Variants in EGFLAM observed in about 807,000 individuals in gnomAD.
EGFLAM encodes EGF like, fibronectin type III and laminin G domains, also known as pikachurin.
In EGFLAM, 79 loss-of-function variants were observed where a neutral mutation model predicts 113.1. The observed-to-expected ratio is 0.70, with a 90% CI of 0.58 to 0.84. EGFLAM has a LOEUF of 0.84. Ranked by LOEUF, EGFLAM falls within the 40% of genes least tolerant of loss-of-function variation. The probability of loss-of-function intolerance (pLI) is 0.00; values close to 1 mark genes in which losing one functional copy is unlikely to be tolerated. For missense variants in EGFLAM, 1,265 were observed against 1,291.6 expected, an observed-to-expected ratio of 0.98 and a Z score of 0.32; for synonymous variants, 504 against 487.6, an observed-to-expected ratio of 1.03 and a Z score of -0.44.
At chr5:38,323,626 C>T (rs1311859851) in intron 1 of EGFLAM, among the ~76,000 whole-genome samples, 2 of 152,088 alleles carry the variant, frequency 1.3e-5, no homozygotes, top group African/African-American at 2.4e-5. Context: ...TTGCTTGTCT[C>T]ACACATAAGT....
chr5:38,282,536 T>A (rs1454901049), intron 1 of EGFLAM: 1 of 152,186 alleles, frequency 6.6e-6, no homozygotes, highest in East Asian at 1.9e-4. Flanking sequence ...CTTCAAGGCT[T>A]ATAGGCAGAA....
intron 12 of EGFLAM, among the ~76,000 whole-genome samples, chr5:38,419,602 T>G (rs937363372): frequency 7.9e-5 from 12 of 152,200 alleles, no homozygotes. Flanking sequence ...GAACAGTTTT[T>G]TGTTTTGTTT....
intron 6 of EGFLAM, among the ~76,000 whole-genome samples, chr5:38,392,084 T>C (rs967652835): frequency 6.6e-6 from 1 of 152,192 alleles, no homozygotes; most frequent in Non-Finnish European, 1.5e-5. Flanking sequence ...AATAGTTATC[T>C]TTTCTGCTCC....
At position 38,383,381 on chromosome 5, in the gene EGFLAM, T is replaced by C. The variant is rs1740567376; in HGVS notation, c.712+12919T>C. ...CAACAATGAAAATTAGAGGAGTGGG[T>C]GATGAGAAAGGCTACAAACAAATTT... On this transcript the variant is annotated intron_variant, in intron 6 of 21. Transcript: ENST00000322350. Among the ~76,000 whole-genome samples the C allele has an allele frequency of 2.0e-5, 3 of 149,716 alleles. No individual in the cohort carries two copies. In the South Asian group the frequency reaches 6.3e-4, roughly 32 times the overall value.
intron 6 of EGFLAM, among the ~76,000 whole-genome samples, chr5:38,397,957 G>A (rs1278625904): frequency 6.6e-6 from 1 of 152,232 alleles, no homozygotes; most frequent in Non-Finnish European, 1.5e-5. Context: ...TGGTCGGAAT[G>A]TGGTCATTAT....
intron 19 of EGFLAM, among the ~76,000 whole-genome samples, chr5:38,453,150 G>A (rs1223444110): frequency 6.6e-6 from 1 of 152,126 alleles, no homozygotes; most frequent in Non-Finnish European, 1.5e-5. Flanking sequence ...TAGGGGTGGG[G>A]TCCAGCAATC....
intron 6 of EGFLAM, among the ~76,000 whole-genome samples, chr5:38,398,983 A>G (rs1741033443): frequency 1.3e-5 from 2 of 152,230 alleles, no homozygotes; most frequent in Admixed American, 1.3e-4. Flanking sequence ...GAGGAAGATG[A>G]TAAGGATGAA....
intron 6 of EGFLAM, among the ~76,000 whole-genome samples, chr5:38,377,098 C>G (rs1342012009): frequency 6.6e-6 from 1 of 151,456 alleles, no homozygotes; most frequent in Non-Finnish European, 1.5e-5. Context: ...CATATTGGAG[C>G]TGGAATAACT....
chr5:38,263,452 A>G (rs1757553665), intron 1 of EGFLAM, among the ~76,000 whole-genome samples: 1 of 151,850 alleles, frequency 6.6e-6, no homozygotes, highest in Non-Finnish European at 1.5e-5. Context: ...ACAGAGGAAG[A>G]CTCTGTCTCA....
chr5:38,294,934 T>G (rs1176099358), intron 1 of EGFLAM, among the ~76,000 whole-genome samples: 2 of 152,144 alleles, frequency 1.3e-5, no homozygotes, highest in African/African-American at 4.8e-5. Context: ...CAAGCGATTC[T>G]CCTGCCTCAG....
intron 1 of EGFLAM, among the ~76,000 whole-genome samples, chr5:38,318,040 T>C (rs1738646219): frequency 6.6e-6 from 1 of 152,254 alleles, no homozygotes; most frequent in East Asian, 1.9e-4. Context: ...GAGCGGGCAC[T>C]TGGGGAAGAT....
In EGFLAM at chr5:38,278,202, A is replaced by C. The variant is rs182798701; in HGVS notation, c.97+19351A>C. ...TAGCATAAAAACAGACACATAGACCAGTGGAACAGAATAGAGAGTCCAAAA... is the reference window on the plus strand; with the variant it reads ...TAGCATAAAAACAGACACATAGACCCGTGGAACAGAATAGAGAGTCCAAAA... On this transcript the variant is annotated intron_variant, in intron 1 of 21. Coordinates refer to ENST00000322350, the MANE Select transcript of EGFLAM (RefSeq NM_152403.4). 5.4e-3 allele frequency among the ~76,000 whole-genome samples: 821 copies of C among 152,312 alleles called. 8 individuals are homozygous for C. Among genetic ancestry groups the C allele is most frequent in the African/African-American group, 0.019 (781 of 41,564 alleles).
chr5:38,389,414 T>A (rs1227581844), intron 6 of EGFLAM, among the ~76,000 whole-genome samples: 2 of 152,202 alleles, frequency 1.3e-5, no homozygotes, highest in Non-Finnish European at 2.9e-5. Flanking sequence ...CCTTTTCCTT[T>A]CTAATTTGTC....
At chr5:38,369,030 G>GT (rs1170483990) in intron 5 of EGFLAM, among the ~76,000 whole-genome samples, 4 of 152,128 alleles carry the variant, frequency 2.6e-5, no homozygotes, top group Admixed American at 6.5e-5. Flanking sequence ...ACTGTCTGCA[G>GT]GCCATGCACA....
rs991237613 is a variant in EGFLAM, at chr5:38,431,812, A to G, written c.2166+524A>G. ...CAATGGGGATAATGGTGATGATAAT[A>G]GTGCCTACTTCACAGAGTTGTTGTG... On this transcript the variant is annotated intron_variant, in intron 15 of 21. Coordinates refer to ENST00000322350, the MANE Select transcript of EGFLAM (RefSeq NM_152403.4). Among the ~76,000 whole-genome samples, 4 of 152,232 alleles carry G rather than the reference A, an allele frequency of 2.6e-5. No individual in the cohort carries two copies. The South Asian group carries it at 8.3e-4, about 31-fold the overall frequency.
At chr5:38,269,810 G>A (rs1403909464) in intron 1 of EGFLAM, among the ~76,000 whole-genome samples, 1 of 152,124 alleles carries the variant, frequency 6.6e-6, no homozygotes, top group Non-Finnish European at 1.5e-5. Context: ...ACTTTTCAAA[G>A]CACTTCTAAA....
Position 38,418,005 on chromosome 5 carries a change from T to A in EGFLAM, c.1495-61T>A, listed in dbSNP as rs180851047. 5,647 of 1,500,204 alleles carry A rather than the reference T, an allele frequency of 3.8e-3. 12 individuals carry two copies. Among genetic ancestry groups the A allele is most frequent in the Non-Finnish European group, 4.7e-3 (5,184 of 1,106,892 alleles). The allele number at this position is 1,500,204 out of a possible 1,614,324, so 92.9% of individuals were successfully genotyped here. On this transcript the variant is annotated intron_variant, in intron 11 of 21. Coordinates refer to ENST00000322350, the MANE Select transcript of EGFLAM (RefSeq NM_152403.4). ...AACCATGTCCCTCATAAAAATCTGGTGTGTTTTGGCTTTTGATTTTGTTTA... is the reference window on the plus strand; with the variant it reads ...AACCATGTCCCTCATAAAAATCTGGAGTGTTTTGGCTTTTGATTTTGTTTA...
chr5:38,325,922 T>C (rs1738867737), intron 1 of EGFLAM, among the ~76,000 whole-genome samples: 1 of 151,916 alleles, frequency 6.6e-6, no homozygotes, highest in South Asian at 2.1e-4. Flanking sequence ...AAAATTATAA[T>C]AATTATAGAA....
chr5:38,437,765 G>T (rs902860068), intron 16 of EGFLAM, among the ~76,000 whole-genome samples: 4 of 152,086 alleles, frequency 2.6e-5, no homozygotes, highest in African/African-American at 9.7e-5. Flanking sequence ...GCGTCACTCC[G>T]CAGATTCTCC....
Sources: gnomAD v4.1 joint callset for allele counts (sites outside exome capture counted in the v4.1 genomes callset) on GRCh38, gnomAD v4.1.1 for gene constraint, MANE v1.5 for transcripts, NCBI Gene and HGNC (gene_info 2026-07-23, HGNC 2026-07-21) for gene names.